Variants in KIDINS220 observed in about 807,000 individuals in gnomAD.
KIDINS220 encodes kinase D-interacting substrate of 220 kDa.
Under a neutral mutation model 157.6 loss-of-function variants are expected in KIDINS220, and 63 were observed. The ratio of observed to expected loss-of-function variants is 0.40; its 90% CI spans 0.33 to 0.49. The LOEUF (loss-of-function observed/expected upper bound fraction) is 0.49. KIDINS220 is among the 20% of genes least tolerant of loss of function. The probability of loss-of-function intolerance (pLI) is 0.66; values close to 1 mark genes in which losing one functional copy is unlikely to be tolerated. For synonymous variants in KIDINS220, 732 were observed against 783.6 expected, an observed-to-expected ratio of 0.93 and a Z score of 1.10; for missense variants, 1,772 against 2,171.2, an observed-to-expected ratio of 0.82 and a Z score of 3.65.
intron 13 of KIDINS220, among the ~76,000 whole-genome samples, chr2:8,790,325 C>A (rs1256830753): frequency 6.6e-6 from 1 of 152,182 alleles, no homozygotes; most frequent in African/African-American, 2.4e-5. Flanking sequence ...CATATACTCC[C>A]ATCTGTCAAG....
intron 22 of KIDINS220, among the ~76,000 whole-genome samples, chr2:8,768,653 T>G (rs1230952327): frequency 6.6e-6 from 1 of 152,194 alleles, no homozygotes; most frequent in African/African-American, 2.4e-5. Context: ...ATTTCTTTAG[T>G]ACAACAAATG....
At chr2:8,754,627 T>C (rs889161271) in intron 22 of KIDINS220, among the ~76,000 whole-genome samples, 4 of 152,238 alleles carry the variant, frequency 2.6e-5, no homozygotes, top group African/African-American at 9.6e-5. Context: ...AATGCCAACA[T>C]CAATGTAAGT....
rs759951104 is a variant in KIDINS220, at chr2:8,803,008, C to T, written c.723G>A (p.Met241Ile). 2.5e-6 allele frequency: 4 copies of T among 1,613,856 alleles called. No individual in the cohort carries two copies. Among genetic ancestry groups the T allele is most frequent in the Non-Finnish European group, 3.4e-6 (4 of 1,179,964 alleles). Reference protein sequence around the residue: ...LTDKDGNTALMIASKEGHTEI... With the variant: ...LTDKDGNTALIIASKEGHTEI... Reference sequence around the variant, plus strand: ...CCGTATGTCCCTCCTTTGATGCAATCATCAAAGCTGTATTTCCATCTTTAT... The same window carrying T: ...CCGTATGTCCCTCCTTTGATGCAATTATCAAAGCTGTATTTCCATCTTTAT... The change falls in exon 8 of 30, where the codon ATG (methionine) becomes ATA (isoleucine). Residue 241 changes from methionine to isoleucine, a missense_variant. Met to Ile is a conservative substitution (Grantham distance 10). Around this residue, in one of 3 missense-constraint regions of KIDINS220, gnomAD observed 725 missense variants for 1,017.1 expected, o/e 0.71. Coordinates refer to ENST00000256707, the MANE Select transcript of KIDINS220 (RefSeq NM_020738.4).
chr2:8,736,226 T>C (rs903130366), intron 27 of KIDINS220, among the ~76,000 whole-genome samples: 1 of 152,220 alleles, frequency 6.6e-6, no homozygotes, highest in Non-Finnish European at 1.5e-5. Context: ...ATAAAAAGTA[T>C]ACCTTAGTGA....
Position 8,731,795 on chromosome 2 carries a change from C to G in KIDINS220, c.4241G>C (p.Ser1414Thr). 6.2e-7 allele frequency: 1 copy of G among 1,614,052 alleles called. No individual in the cohort carries two copies. Among genetic ancestry groups the G allele is most frequent in the Non-Finnish European group, 8.5e-7 (1 of 1,179,998 alleles). ...TGAACTCTGACCCATGTAATATGTG[C>G]TATGTGGAGAAGATCTGCCACTAAT... is the stretch of plus-strand genomic sequence containing the variant. ...TTISGRSSPHSTYYMGQSSSG... is the reference protein window; with the variant it reads ...TTISGRSSPHTTYYMGQSSSG... The change falls in exon 30 of 30, where the codon AGC becomes ACC. Residue 1414 changes from serine to threonine, a missense_variant. Physicochemically the swap from Ser to Thr is moderately conservative, Grantham distance 58. This residue lies in a region of KIDINS220 where 793 missense variants were observed against 885.5 expected (regional missense o/e 0.90). Transcript: ENST00000256707. The surrounding 1 kb of genome is among the most constrained non-coding windows in gnomAD (Gnocchi z 5.2).
downstream of KIDINS220, among the ~76,000 whole-genome samples, chr2:8,726,635 T>C (rs1225523605): frequency 2.0e-5 from 3 of 152,156 alleles, no homozygotes; most frequent in African/African-American, 7.2e-5. Context: ...ACCTAGATGG[T>C]GGCACCCACT....
At chr2:8,786,625 G>A (rs970032787) in intron 15 of KIDINS220, among the ~76,000 whole-genome samples, 1 of 152,190 alleles carries the variant, frequency 6.6e-6, no homozygotes, top group Non-Finnish European at 1.5e-5. Context: ...GCGGGGGAAA[G>A]TTACGCCAGA....
At chr2:8,805,197 CG>C (rs34185896) in intron 7 of KIDINS220, among the ~76,000 whole-genome samples, 1 of 152,210 alleles carries the variant, frequency 6.6e-6, no homozygotes. Context: ...CCTCCCAGTA[CG>C]GGGATGTGTT....
At position 8,802,930 on chromosome 2, in the gene KIDINS220, C is replaced by G. The variant is rs752796202; in HGVS notation, c.801G>C (p.Arg267Ser). ...DAGTYVNIPDRSGDTVLIGAV... is the reference protein window; with the variant it reads ...DAGTYVNIPDSSGDTVLIGAV... ...GACAAATGTGAAATAGATGACCTACCCTGTCAGGTATGTTCACATATGTTC... is the reference window on the plus strand; with the variant it reads ...GACAAATGTGAAATAGATGACCTACGCTGTCAGGTATGTTCACATATGTTC... The change falls in exon 8 of 30, where the codon AGG (arginine) becomes AGC (serine). Residue 267 changes from arginine to serine, a missense_variant and splice_region_variant. Arg to Ser is a moderately radical substitution (Grantham distance 110, BLOSUM62 -1). Coordinates refer to ENST00000256707, the MANE Select transcript of KIDINS220 (RefSeq NM_020738.4). 2 of 1,613,014 alleles carry G rather than the reference C, an allele frequency of 1.2e-6. No individual in the cohort carries two copies. The highest frequency in any genetic ancestry group is 2.2e-5 in the South Asian group (2 of 90,924).
At chr2:8,752,031 T>G (rs1411619631) in intron 22 of KIDINS220, among the ~76,000 whole-genome samples, 6 of 151,616 alleles carry the variant, frequency 4.0e-5, no homozygotes, top group Admixed American at 3.3e-4. Flanking sequence ...ATTTTTAGGG[T>G]TTTTTTTGAG....
At chr2:8,836,317 G>A (rs1285522743) in intron 1 of KIDINS220, among the ~76,000 whole-genome samples, 2 of 152,124 alleles carry the variant, frequency 1.3e-5, no homozygotes, top group East Asian at 1.9e-4. Context: ...AATTTGAAGT[G>A]TCCCAAAAGA....
At chr2:8,835,367 T>C (rs184758193) in intron 1 of KIDINS220, among the ~76,000 whole-genome samples, 6 of 152,240 alleles carry the variant, frequency 3.9e-5, no homozygotes, top group Admixed American at 3.9e-4. Flanking sequence ...GGGATGGGCA[T>C]ATGATCTGTG....
Position 8,751,532 on chromosome 2 carries a change from G to C in KIDINS220, c.3124C>G (p.Arg1042Gly). The change falls in exon 23 of 30, where the codon CGA becomes GGA. Residue 1042 changes from arginine (R) to glycine (G), a missense_variant. Arg to Gly is a moderately radical substitution (Grantham distance 125). Coordinates refer to ENST00000256707, the MANE Select transcript of KIDINS220 (RefSeq NM_020738.4). ...CATGGCAAAAAGACTTTTACATCTC[G>C]AGCCACAAGAACTGGGGTCCTTGAA... ...LSSRTPVLVA[R>G]DVKVFLPCTV... 6.2e-7 allele frequency: 1 copy of C among 1,613,620 alleles called. No individual in the cohort carries two copies. The highest frequency in any genetic ancestry group is 8.5e-7 in the Non-Finnish European group (1 of 1,179,846).
Position 8,796,750 on chromosome 2 carries a change from C to A in KIDINS220, c.1098+21G>T, listed in dbSNP as rs752196248. On this transcript the variant is annotated intron_variant, in intron 11 of 29. Coordinates refer to ENST00000256707, the MANE Select transcript of KIDINS220 (RefSeq NM_020738.4). ...GACCAACAGCTTTCCATACAGTGTT[C>A]TCTCCGCACAGATGTTTTACCTTAT... 1.7e-5 allele frequency: 27 copies of A among 1,576,480 alleles called. No homozygotes were observed. The East Asian group carries it at 5.6e-4, about 33-fold the overall frequency.
chr2:8,786,174 T>C (rs377033539), intron 16 of KIDINS220, 32 bp downstream of exon 16: 95 of 1,613,020 alleles, frequency 5.9e-5, no homozygotes, highest in Non-Finnish European at 7.9e-5. Context: ...CCCCATCCCT[T>C]ACACACAAAG....
chr2:8,807,063 A>G (rs1221787289), intron 6 of KIDINS220, among the ~76,000 whole-genome samples: 1 of 152,248 alleles, frequency 6.6e-6, no homozygotes, highest in Non-Finnish European at 1.5e-5. Flanking sequence ...TAACCACTTT[A>G]CATGGGTCTA....
At position 8,730,078 on chromosome 2, in the gene KIDINS220, T is replaced by C; in HGVS notation, c.*642A>G. ...CCAGCCCTCCCCGCATCTACTCTCC[T>C]AACAGCTCAGGACAGCCCCGTCACA... On this transcript the variant is annotated 3_prime_UTR_variant, in exon 30 of 30. Transcript: ENST00000256707. The C allele has an allele frequency of 1.8e-5, 18 of 985,602 alleles. No individual in the cohort carries two copies. The highest frequency in any genetic ancestry group is 2.2e-5 in the Non-Finnish European group (18 of 830,058). 61.1% of individuals were successfully genotyped at this position (985,602 alleles called of 1,614,324 possible). A position where few individuals can be genotyped will look rare whatever the true frequency, so the allele number is the denominator to read the frequency against.
At chr2:8,808,346 A>T (rs950332436) in intron 6 of KIDINS220, among the ~76,000 whole-genome samples, 2 of 152,218 alleles carry the variant, frequency 1.3e-5, no homozygotes, top group Non-Finnish European at 2.9e-5. Flanking sequence ...CCTTTTAAAA[A>T]TATACTTATT....
chr2:8,737,989 T>C (rs2147981155), intron 26 of KIDINS220, among the ~76,000 whole-genome samples: 1 of 152,374 alleles, frequency 6.6e-6, no homozygotes, highest in African/African-American at 2.4e-5. Context: ...TGAGTCATAT[T>C]TATCTTTTCT....
Sources: gnomAD v4.1 joint callset for allele counts (sites outside exome capture counted in the v4.1 genomes callset) on GRCh38, gnomAD v4.1.1 for gene constraint, gnomAD v4.1.1 regional missense constraint, Gnocchi (gnomAD v3.1) non-coding constraint, MANE v1.5 for transcripts, NCBI Gene and HGNC (gene_info 2026-07-23, HGNC 2026-07-21) for gene names.